Variants in CABIN1 observed in about 807,000 individuals in gnomAD.
The protein encoded by CABIN1 is calcineurin binding protein 1.
A neutral mutation model predicts 227.7 loss-of-function variants in CABIN1; 133 were observed. That is an observed-to-expected ratio of 0.58 (90% confidence interval 0.51 to 0.67). The LOEUF (loss-of-function observed/expected upper bound fraction) is 0.67, where lower values mean the gene tolerates loss of function less well. Ranked by LOEUF, CABIN1 falls within the 30% of genes least tolerant of loss-of-function variation. CABIN1 has a pLI of 0.00. For synonymous variants in CABIN1, 1,086 were observed against 1,155.1 expected, an observed-to-expected ratio of 0.94 and a Z score of 1.21; for missense variants, 2,408 against 2,852.5, an observed-to-expected ratio of 0.84 and a Z score of 3.55.
chr22:24,027,051 G>A (rs1003631915), intron 1 of CABIN1, among the ~76,000 whole-genome samples: 5 of 152,240 alleles, frequency 3.3e-5, no homozygotes, highest in African/African-American at 1.2e-4. Flanking sequence ...GGTCTACTTT[G>A]AGTTATTTCA....
At chr22:24,086,468 G>T (rs1384605610) in intron 22 of CABIN1, among the ~76,000 whole-genome samples, 3 of 152,238 alleles carry the variant, frequency 2.0e-5, no homozygotes, top group African/African-American at 7.2e-5. Context: ...TCTCCCGTGG[G>T]ATTGGCCCCA....
At position 24,069,040 on chromosome 22, in the gene CABIN1, G is replaced by A. The variant is rs150041452; in HGVS notation, c.2233-1760G>A. Among the ~76,000 whole-genome samples, 1,100 of 152,314 alleles carry A rather than the reference G, an allele frequency of 7.2e-3. 60 individuals are homozygous for A. The highest frequency in any genetic ancestry group is 0.063 in the Admixed American group (962 of 15,294). ...TATTCCCGCAGTGTTAATGTTTTATGTTTTGCATTTAACTTGTTTCATTTA... is the reference window on the plus strand; with the variant it reads ...TATTCCCGCAGTGTTAATGTTTTATATTTTGCATTTAACTTGTTTCATTTA... On this transcript the variant is annotated intron_variant, in intron 16 of 36. Coordinates refer to ENST00000263119, the MANE Select transcript of CABIN1 (RefSeq NM_012295.4).
At position 24,178,086 on chromosome 22, in the gene CABIN1, G is replaced by A. The variant is rs144524781; in HGVS notation, c.6553G>A (p.Val2185Met). The A allele has an allele frequency of 3.6e-3, 5,818 of 1,613,810 alleles. 15 individuals are homozygous for A. Among genetic ancestry groups the A allele is most frequent in the Non-Finnish European group, 4.5e-3 (5,263 of 1,179,966 alleles). ...CCTTTCTGCCCAGTCTGCTGCCAAC[G>A]TGAGGAAGGAGAGCCTATGCCAGCC... ...AILSAQSAANVRKESLCQPAL... is the reference protein window; with the variant it reads ...AILSAQSAANMRKESLCQPAL... The change falls in exon 37 of 37, where the codon GTG becomes ATG. Residue 2185 changes from valine to methionine, a missense_variant. Val to Met is a conservative substitution (Grantham distance 21, BLOSUM62 1). This residue lies in a region of CABIN1 where 714 missense variants were observed against 773.8 expected (regional missense o/e 0.92). Transcript: ENST00000263119.
Position 24,041,287 on chromosome 22 carries a change from A to C in CABIN1, c.345+14A>C, listed in dbSNP as rs377417681. 1.9e-4 allele frequency: 314 copies of C among 1,613,964 alleles called. No individual in the cohort carries two copies. The highest frequency in any genetic ancestry group is 2.5e-4 in the Non-Finnish European group (296 of 1,180,002). ...TTCTACTTAGAGGTGTGGTTTTGGC[A>C]GTGCTTAGCTACCTTGGTGTTTTGA... On this transcript the variant is annotated intron_variant, in intron 5 of 36. Transcript: ENST00000263119.
At chr22:24,134,512 C>A in intron 29 of CABIN1, 97 bp downstream of exon 29, 1 of 1,013,736 alleles carries the variant, frequency 9.9e-7, no homozygotes, top group Non-Finnish European at 1.5e-6. Context: ...GTTCCCAGGG[C>A]CTCAAGTTTG....
chr22:24,130,321 C>A (rs1261291396), intron 28 of CABIN1, among the ~76,000 whole-genome samples: 1 of 152,172 alleles, frequency 6.6e-6, no homozygotes, highest in Non-Finnish European at 1.5e-5. Flanking sequence ...AGTAACTTGC[C>A]CACCTATAGT....
rs544836564 is a variant in CABIN1, at chr22:24,023,513, G to GT, written c.-74-11928dup. Among the ~76,000 whole-genome samples, 176 of 152,256 alleles carry GT rather than the reference G, an allele frequency of 1.2e-3. 2 individuals are homozygous for GT. Among genetic ancestry groups the GT allele is most frequent in the African/African-American group, 3.9e-3 (164 of 41,530 alleles). On this transcript the variant is annotated intron_variant, in intron 1 of 36. Coordinates refer to ENST00000263119, the MANE Select transcript of CABIN1 (RefSeq NM_012295.4). Reference sequence around the variant, plus strand: ...ACATTCCTACCAGCAGTACATGAGTGTTTGAGTTTTTCTACATCCTTGCCA... The same window carrying GT: ...ACATTCCTACCAGCAGTACATGAGTGTTTTGAGTTTTTCTACATCCTTGCCA...
At chr22:24,066,319 C>T (rs2024265826) in intron 15 of CABIN1, among the ~76,000 whole-genome samples, 1 of 152,180 alleles carries the variant, frequency 6.6e-6, no homozygotes, top group Non-Finnish European at 1.5e-5. Context: ...CTATGTGTGG[C>T]AGCCACCCCA....
At chr22:24,078,308 T>A (rs114764853) in intron 19 of CABIN1, among the ~76,000 whole-genome samples, 2,084 of 152,260 alleles carry the variant, frequency 0.014, 46 homozygotes, top group African/African-American at 0.047. Context: ...TTGTATTTCT[T>A]GAATGAATGA....
At chr22:24,134,939 G>T (rs780543401) in intron 29 of CABIN1, among the ~76,000 whole-genome samples, 1 of 149,858 alleles carries the variant, frequency 6.7e-6, no homozygotes. Flanking sequence ...TTAGCTGGGC[G>T]TGGTGGCGGG....
chr22:24,125,081 CA>C (rs1359901637), intron 28 of CABIN1, among the ~76,000 whole-genome samples: 1 of 152,200 alleles, frequency 6.6e-6, no homozygotes, highest in Non-Finnish European at 1.5e-5. Context: ...TCACAAAAGA[CA>C]AATACTGGAT....
At chr22:24,090,386 C>T (rs1361840639) in intron 23 of CABIN1, among the ~76,000 whole-genome samples, 1 of 152,214 alleles carries the variant, frequency 6.6e-6, no homozygotes, top group Admixed American at 6.5e-5. Context: ...TTTACTTCAG[C>T]ACATTTGCCA....
chr22:24,084,698 G>A lies in CABIN1; in HGVS notation c.3030G>A (p.Lys1010=). 1 of 1,614,164 alleles carries A rather than the reference G, an allele frequency of 6.2e-7. No individual in the cohort carries two copies. Among genetic ancestry groups the A allele is most frequent in the Non-Finnish European group, 8.5e-7 (1 of 1,180,032 alleles). The change falls in exon 21 of 37, where the codon AAG becomes AAA. Residue 1010 remains lysine, a synonymous_variant. Coordinates refer to ENST00000263119, the MANE Select transcript of CABIN1 (RefSeq NM_012295.4). ...TVSADLANLL[K]RIATIVPRTE... Reference sequence around the variant, plus strand: ...CTGCTGACTTGGCCAACCTACTGAAGAGAATTGCCACCATTGTGCCTCGCA... The same window carrying A: ...CTGCTGACTTGGCCAACCTACTGAAAAGAATTGCCACCATTGTGCCTCGCA...
chr22:24,036,270 T>A, intron 3 of CABIN1, 89 bp downstream of exon 3: 1 of 945,878 alleles, frequency 1.1e-6, no homozygotes, highest in Non-Finnish European at 1.7e-6. Flanking sequence ...ATCTCCTCAG[T>A]GGGGCTTTAG....
intron 8 of CABIN1, among the ~76,000 whole-genome samples, chr22:24,052,964 A>G (rs1476419051): frequency 6.6e-6 from 1 of 152,082 alleles, no homozygotes; most frequent in Non-Finnish European, 1.5e-5. Flanking sequence ...GTCTAAATGT[A>G]ACACTAACTG....
chr22:24,086,623 G>A (rs1291529790), intron 22 of CABIN1, among the ~76,000 whole-genome samples: 4 of 152,256 alleles, frequency 2.6e-5, no homozygotes, highest in Non-Finnish European at 5.9e-5. Flanking sequence ...ATTGGCATGT[G>A]TGAGGGTGGC....
intron 30 of CABIN1, 102 bp downstream of exon 30, chr22:24,164,665 A>C: frequency 1.5e-6 from 2 of 1,323,320 alleles, no homozygotes; most frequent in Non-Finnish European, 2.1e-6. Context: ...TGTGAGGACC[A>C]CTGGCTGGGA....
At chr22:24,018,274 A>T (rs1340009990) in intron 1 of CABIN1, among the ~76,000 whole-genome samples, 2 of 151,154 alleles carry the variant, frequency 1.3e-5, no homozygotes, top group African/African-American at 4.9e-5. Context: ...GAGTTTTTAA[A>T]TTTTTTTTTG....
intron 1 of CABIN1, among the ~76,000 whole-genome samples, chr22:24,026,207 C>G (rs1034079513): frequency 1.3e-5 from 2 of 152,154 alleles, no homozygotes; most frequent in African/African-American, 4.8e-5. Flanking sequence ...CTCCTGGGCT[C>G]AAGCAATCAT....
Sources: allele counts gnomAD v4.1 joint callset (sites outside exome capture counted in the v4.1 genomes callset), GRCh38; gene constraint gnomAD v4.1.1; regional missense constraint gnomAD v4.1.1; transcripts MANE v1.5; gene names NCBI Gene and HGNC (gene_info 2026-07-23, HGNC 2026-07-21).